Variants in POLD1 observed in about 807,000 individuals in gnomAD.
POLD1 encodes DNA polymerase delta catalytic subunit.
A neutral mutation model predicts 129.7 loss-of-function variants in POLD1; 79 were observed. The ratio of observed to expected loss-of-function variants is 0.61; its 90% CI spans 0.51 to 0.73. POLD1 has a LOEUF of 0.73. POLD1 is among the 30% of genes least tolerant of loss of function. The pLI, the probability that POLD1 is intolerant of heterozygous loss-of-function variation, is 0.00. For synonymous variants in POLD1, 714 were observed against 683.3 expected, an observed-to-expected ratio of 1.04 and a Z score of -0.70; for missense variants, 1,338 against 1,595.8, an observed-to-expected ratio of 0.84 and a Z score of 2.75.
intron 1 of POLD1, among the ~76,000 whole-genome samples, chr19:50,391,325 AC>A (rs1420649032): frequency 6.6e-6 from 1 of 152,110 alleles, no homozygotes; most frequent in Non-Finnish European, 1.5e-5. Context: ...CAATCTCGGC[AC>A]TTTGGGAGGC....
chr19:50,402,568 G>C (rs1292282871), intron 7 of POLD1, 33 bp downstream of exon 7: 1 of 1,576,212 alleles, frequency 6.3e-7, no homozygotes, highest in African/African-American at 1.3e-5. Context: ...GCTGGGTGGG[G>C]AGCTGGTACC....
In POLD1 at chr19:50,415,444, T is replaced by G. The variant is rs1410306750; in HGVS notation, c.2571T>G (p.Pro857=). The G allele has an allele frequency of 2.5e-6, 4 of 1,612,542 alleles. No individual in the cohort carries two copies. Among genetic ancestry groups the G allele is most frequent in the Non-Finnish European group, 3.4e-6 (4 of 1,179,712 alleles). The change falls in exon 21 of 27, where the codon CCT becomes CCG. Residue 857 remains proline, a synonymous_variant. Transcript: ENST00000440232. The stretch of plus-strand genomic sequence containing the variant: ...GCGGCCCGCTCTCCTACAGAGACCC[T>G]GAGGGCGCGGTGGCTCACGCACAGG... The part of the protein sequence containing the change: ...SLRRLLIDRD[P]EGAVAHAQDV...
rs1260556950 is a variant in POLD1, at chr19:50,391,356, G to A, written c.-2+6966G>A. Among the ~76,000 whole-genome samples the A allele has an allele frequency of 2.0e-5, 3 of 152,276 alleles. No homozygotes were observed. The East Asian group carries it at 5.8e-4, about 29-fold the overall frequency. ...GGAGGCCAAGGCAGGCGGCTGGGAG[G>A]TGGAGGTTGTAGCGAGCCGAGATCA... On this transcript the variant is annotated intron_variant, in intron 1 of 26. Transcript: ENST00000440232.
Position 50,406,961 on chromosome 19 carries a change from C to T in POLD1, c.1495-22C>T, listed in dbSNP as rs776240356. 6.5e-7 allele frequency: 1 copy of T among 1,531,682 alleles called. No individual in the cohort carries two copies. The highest frequency in any genetic ancestry group is 1.2e-5 in the South Asian group (1 of 84,342). 94.9% of individuals were successfully genotyped at this position (1,531,682 alleles called of 1,614,324 possible). On this transcript the variant is annotated intron_variant, in intron 12 of 26. Coordinates refer to ENST00000440232, the MANE Select transcript of POLD1 (RefSeq NM_002691.4). The surrounding 1 kb of genome is among the most constrained non-coding windows in gnomAD (Gnocchi z 5.5). ...CCCACCCCCAACCCCTGGTCCCTGA[C>T]CCCATCCGTGCCCATCCCCAGAATG... is the stretch of plus-strand genomic sequence containing the variant.
At position 50,399,008 on chromosome 19, in the gene POLD1, C is replaced by CAGG. The variant is rs766482335; in HGVS notation, c.169_171dup (p.Glu57dup). 1 of 1,562,998 alleles carries CAGG rather than the reference C, an allele frequency of 6.4e-7. No homozygotes were observed. The highest frequency in any genetic ancestry group is 1.9e-5 in the Admixed American group (1 of 51,822). On this transcript the variant is annotated inframe_insertion, in exon 2 of 27. Transcript: ENST00000440232. Reference sequence around the variant, plus strand: ...GGAGGCAGAACACAGGCTGCAGGAGCAGGAGGAGGAGGAGCTGCAGTCAGT... The same window carrying CAGG: ...GGAGGCAGAACACAGGCTGCAGGAGCAGGAGGAGGAGGAGGAGCTGCAGTCAGT...
intron 1 of POLD1, among the ~76,000 whole-genome samples, chr19:50,398,136 G>A (rs1346111630): frequency 2.0e-5 from 3 of 152,218 alleles, no homozygotes; most frequent in African/African-American, 4.8e-5. Context: ...GCATACAGGA[G>A]TTCTAGGCAT....
chr19:50,384,678 G>C (rs1259804522), intron 1 of POLD1, among the ~76,000 whole-genome samples: 1 of 152,220 alleles, frequency 6.6e-6, no homozygotes, highest in Non-Finnish European at 1.5e-5. Context: ...GCACGTGCGG[G>C]CTTGGTGTCA....
intron 1 of POLD1, among the ~76,000 whole-genome samples, chr19:50,386,173 T>C (rs1469688751): frequency 6.6e-6 from 1 of 151,984 alleles, no homozygotes; most frequent in Non-Finnish European, 1.5e-5. Context: ...AGGGTCTTGC[T>C]CTGTCGCCCA....
rs558356782 is a variant in POLD1, at chr19:50,413,386, G to T, written c.2155-40G>T. On this transcript the variant is annotated intron_variant, in intron 17 of 26. Transcript: ENST00000440232. The stretch of plus-strand genomic sequence containing the variant: ...CGCCGGCCCACGTTCACTGCACATG[G>T]CCCCCAGGGCTTCACTCCGCATGAT... 1.4e-4 allele frequency: 225 copies of T among 1,559,858 alleles called. 1 individual carries two copies. The South Asian group carries it at 2.4e-3, about 16-fold the overall frequency.
rs776870727 is a variant in POLD1 at position 50,402,555 on chromosome 19, A to G, written c.840+20A>G. The G allele has an allele frequency of 3.2e-6, 5 of 1,550,956 alleles. No homozygotes were observed. The highest frequency in any genetic ancestry group is 4.7e-5 in the East Asian group (2 of 42,612). ...GAGAAGGTGCAGGGCTTCCCAGGGCAGGGCTGGGTGGGGAGCTGGTACCCT... is the reference window on the plus strand; with the variant it reads ...GAGAAGGTGCAGGGCTTCCCAGGGCGGGGCTGGGTGGGGAGCTGGTACCCT... On this transcript the variant is annotated intron_variant, in intron 7 of 26. Transcript: ENST00000440232.
intron 10 of POLD1, among the ~76,000 whole-genome samples, chr19:50,404,764 T>C (rs1217424809): frequency 2.0e-5 from 3 of 150,542 alleles, no homozygotes; most frequent in Non-Finnish European, 4.4e-5. Flanking sequence ...TTTTTGTTAT[T>C]GTTTCTTGAG....
chr19:50,399,535 G>C, intron 3 of POLD1, 51 bp downstream of exon 3: 1 of 1,401,076 alleles, frequency 7.1e-7, no homozygotes, highest in Non-Finnish European at 1.0e-6. Flanking sequence ...TCCTGGGGCA[G>C]AGGCCGGGCC....
At chr19:50,389,269 G>A (rs1229333268) in intron 1 of POLD1, among the ~76,000 whole-genome samples, 1 of 151,816 alleles carries the variant, frequency 6.6e-6, no homozygotes, top group Admixed American at 6.6e-5. Flanking sequence ...CTAAAGGTGT[G>A]TGCCACCACA....
At chr19:50,395,039 C>T (rs1326090717) in intron 1 of POLD1, 1 of 146,470 alleles carries the variant, frequency 6.8e-6, no homozygotes, top group African/African-American at 2.5e-5. Flanking sequence ...GACAGGGTTT[C>T]ACCATGTTGA....
chr19:50,385,227 C>T (rs1171545122), intron 1 of POLD1, among the ~76,000 whole-genome samples: 2 of 152,126 alleles, frequency 1.3e-5, no homozygotes, highest in Non-Finnish European at 2.9e-5. Flanking sequence ...GGAGGGAGAG[C>T]GTCCTGCAGG....
intron 17 of POLD1, among the ~76,000 whole-genome samples, chr19:50,411,304 TGCCTCCCCA>T (rs1174760403): frequency 1.3e-5 from 2 of 152,174 alleles, no homozygotes; most frequent in Non-Finnish European, 2.9e-5. Context: ...AGTCCCCGGC[TGCCTCCCCA>T]GCCTCCTTGG....
At chr19:50,408,967 C>G in intron 15 of POLD1, 66 bp downstream of exon 15, 1 of 1,500,340 alleles carries the variant, frequency 6.7e-7, no homozygotes. Flanking sequence ...GGGGCTCAGT[C>G]TGGTGGGGGG....
In POLD1 at chr19:50,402,235, C is replaced by G. The variant is rs2038674007; in HGVS notation, c.620C>G (p.Ser207Cys). Reference protein sequence around the residue: ...SMFGYHGHGPSPFLRITVALP... With the variant: ...SMFGYHGHGPCPFLRITVALP... ...TTTGGGTACCACGGGCACGGCCCCT[C>G]CCCGTTCCTGCGCATCACCGTGGCG... Residue 207 changes from serine (S) to cysteine (C), a missense_variant, in exon 6 of 27, where the codon TCC becomes TGC. Coordinates refer to ENST00000440232, the MANE Select transcript of POLD1 (RefSeq NM_002691.4). 1 of 1,592,280 alleles carries G rather than the reference C, an allele frequency of 6.3e-7. No individual in the cohort carries two copies. Among genetic ancestry groups the G allele is most frequent in the South Asian group, 1.1e-5 (1 of 87,336 alleles).
At chr19:50,400,478 C>T (rs1471004650) in intron 3 of POLD1, among the ~76,000 whole-genome samples, 1 of 149,990 alleles carries the variant, frequency 6.7e-6, no homozygotes, top group Non-Finnish European at 1.5e-5. Context: ...ACCTTGGCCT[C>T]CCAAAGTGCT....
Sources: gnomAD v4.1 joint callset for allele counts (sites outside exome capture counted in the v4.1 genomes callset) on GRCh38, gnomAD v4.1.1 for gene constraint, Gnocchi (gnomAD v3.1) non-coding constraint, MANE v1.5 for transcripts, NCBI Gene and HGNC (gene_info 2026-07-23, HGNC 2026-07-21) for gene names.